The following SGMS1 variants were observed in gnomAD, a reference collection of about 807,000 sequenced individuals.
The protein encoded by SGMS1 is phosphatidylcholine:ceramide cholinephosphotransferase 1.
SGMS1 carries 13 observed loss-of-function variants against 46.2 expected under a neutral mutation model. The observed-to-expected ratio is 0.28, with a 90% confidence interval of 0.18 to 0.45. The LOEUF is 0.45. Among genes scored for constraint, SGMS1 ranks in the 20% least tolerant of loss-of-function variants. The probability of loss-of-function intolerance (pLI) is 1.00; values close to 1 mark genes in which losing one functional copy is unlikely to be tolerated. For synonymous variants in SGMS1, 203 were observed against 187.8 expected, an observed-to-expected ratio of 1.08 and a Z score of -0.66; for missense variants, 324 against 519.9, an observed-to-expected ratio of 0.62 and a Z score of 3.66.
chr10:50,615,721 C>G (rs1369928481), intron 1 of SGMS1, among the ~76,000 whole-genome samples: 2 of 152,230 alleles, frequency 1.3e-5, no homozygotes, highest in Non-Finnish European at 2.9e-5. Flanking sequence ...AGGCTCCCAA[C>G]AGAAATGATA....
chr10:50,596,358 A>G (rs1387668543), intron 1 of SGMS1, among the ~76,000 whole-genome samples: 1 of 152,164 alleles, frequency 6.6e-6, no homozygotes, highest in East Asian at 1.9e-4. Flanking sequence ...TTGTATTTTC[A>G]GTAGAGACAG....
chr10:50,486,917 A>G (rs1225720767), intron 3 of SGMS1, among the ~76,000 whole-genome samples: 1 of 152,252 alleles, frequency 6.6e-6, no homozygotes, highest in Non-Finnish European at 1.5e-5. Context: ...CTAAATGCCC[A>G]TCAATGATGA....
At chr10:50,424,684 A>T (rs754871612) in intron 6 of SGMS1, among the ~76,000 whole-genome samples, 2 of 152,224 alleles carry the variant, frequency 1.3e-5, no homozygotes, top group African/African-American at 4.8e-5. Flanking sequence ...ATCTATAGGG[A>T]ACTTAAACAT....
At position 50,312,484 on chromosome 10, in the gene SGMS1, T is replaced by C. The variant is rs116485003; in HGVS notation, c.742-1069A>G. ...CTCAGCATCATGGGATTTTAGAATC[T>C]GGGGACTAAGAAGAGACTCTAAAGC... On this transcript the variant is annotated intron_variant, in intron 8 of 10. Coordinates refer to ENST00000361781, the MANE Select transcript of SGMS1 (RefSeq NM_147156.4). Among the ~76,000 whole-genome samples the C allele has an allele frequency of 8.9e-3, 1,351 of 152,236 alleles. 15 individuals are homozygous for C. Among genetic ancestry groups the C allele is most frequent in the African/African-American group, 0.03 (1,267 of 41,544 alleles).
chr10:50,362,158 G>A (rs1007884937), intron 6 of SGMS1, among the ~76,000 whole-genome samples: 9 of 152,202 alleles, frequency 5.9e-5, no homozygotes, highest in South Asian at 4.2e-4. Flanking sequence ...CCAGTGATGC[G>A]TATCTCCTTT....
intron 2 of SGMS1, among the ~76,000 whole-genome samples, chr10:50,538,686 C>CA (rs1195344872): frequency 6.6e-6 from 1 of 152,150 alleles, no homozygotes; most frequent in East Asian, 1.9e-4. Context: ...CACCATTCCC[C>CA]ACTGACAACT....
At chr10:50,323,181 GTGAA>G (rs1847477136) in intron 8 of SGMS1, among the ~76,000 whole-genome samples, 1 of 152,194 alleles carries the variant, frequency 6.6e-6, no homozygotes, top group Non-Finnish European at 1.5e-5. Context: ...CTGCCATCGA[GTGAA>G]TGAACAATAA....
intron 6 of SGMS1, among the ~76,000 whole-genome samples, chr10:50,353,523 T>A (rs1378304613): frequency 6.6e-6 from 1 of 152,294 alleles, no homozygotes; most frequent in Non-Finnish European, 1.5e-5. Flanking sequence ...CTTTGAAAAC[T>A]GGCACAAGAC....
At position 50,600,019 on chromosome 10, in the gene SGMS1, G is replaced by A. The variant is rs973652728; in HGVS notation, c.-683-9772C>T. Among the ~76,000 whole-genome samples the A allele has an allele frequency of 5.9e-5, 9 of 152,112 alleles. No homozygotes were observed. In the South Asian group the frequency reaches 6.2e-4, roughly 10 times the overall value. ...CATCTCTATCCAGAGTGGGCCTCAG[G>A]ACACTATTTCACATGCTTCAAGCTA... On this transcript the variant is annotated intron_variant, in intron 1 of 10. Coordinates refer to ENST00000361781, the MANE Select transcript of SGMS1 (RefSeq NM_147156.4).
chr10:50,310,144 AC>A (rs1312242169), intron 9 of SGMS1, among the ~76,000 whole-genome samples: 3 of 152,210 alleles, frequency 2.0e-5, no homozygotes, highest in African/African-American at 7.2e-5. Context: ...TCTGGTTCCC[AC>A]TTACCTGTCC....
chr10:50,606,934 G>A (rs1838702896), intron 1 of SGMS1, among the ~76,000 whole-genome samples: 1 of 151,788 alleles, frequency 6.6e-6, no homozygotes, highest in Non-Finnish European at 1.5e-5. Flanking sequence ...GTTCAAAGAT[G>A]GAATGTCTGG....
At chr10:50,530,041 T>C (rs567286309) in intron 2 of SGMS1, among the ~76,000 whole-genome samples, 1 of 152,302 alleles carries the variant, frequency 6.6e-6, no homozygotes, top group South Asian at 2.1e-4. Context: ...TACTCCTAAA[T>C]AGCCACCGTC....
chr10:50,448,420 A>G (rs1837052816), intron 5 of SGMS1, among the ~76,000 whole-genome samples: 1 of 152,142 alleles, frequency 6.6e-6, no homozygotes, highest in Admixed American at 6.6e-5. Context: ...TCTATTGCAC[A>G]CTAGAGAATG....
chr10:50,322,281 G>A (rs1006081471), intron 8 of SGMS1, among the ~76,000 whole-genome samples: 5 of 152,104 alleles, frequency 3.3e-5, no homozygotes, highest in Non-Finnish European at 7.3e-5. Context: ...CACAAAACAC[G>A]CCCAAACATG....
intron 5 of SGMS1, among the ~76,000 whole-genome samples, chr10:50,445,820 G>A (rs1329897045): frequency 6.6e-6 from 1 of 152,190 alleles, no homozygotes; most frequent in African/African-American, 2.4e-5. Flanking sequence ...TGTGGGCTGG[G>A]TGGAACAGAG....
At chr10:50,560,342 TTAA>T (rs1280650671) in intron 2 of SGMS1, among the ~76,000 whole-genome samples, 25 of 137,926 alleles carry the variant, frequency 1.8e-4, no homozygotes, top group East Asian at 1.0e-3. Flanking sequence ...ATTAATATTA[TTAA>T]TAATATATAT....
At chr10:50,348,068 C>A (rs1404241641) in intron 6 of SGMS1, among the ~76,000 whole-genome samples, 1 of 152,076 alleles carries the variant, frequency 6.6e-6, no homozygotes, top group Non-Finnish European at 1.5e-5. Flanking sequence ...GTAATGTTCT[C>A]CTCCCTGTGT....
At chr10:50,573,889 T>C (rs1053628099) in intron 2 of SGMS1, among the ~76,000 whole-genome samples, 1 of 152,156 alleles carries the variant, frequency 6.6e-6, no homozygotes, top group African/African-American at 2.4e-5. Context: ...AGCCAATTGA[T>C]CTTCAAGAAA....
At chr10:50,618,476 G>A (rs1405236751) in intron 1 of SGMS1, among the ~76,000 whole-genome samples, 1 of 152,092 alleles carries the variant, frequency 6.6e-6, no homozygotes, top group African/African-American at 2.4e-5. Flanking sequence ...ATTAGGAAAA[G>A]CAAGTATGGC....
Sources: gnomAD v4.1 joint callset for allele counts (sites outside exome capture counted in the v4.1 genomes callset) on GRCh38, gnomAD v4.1.1 for gene constraint, MANE v1.5 for transcripts, NCBI Gene and HGNC (gene_info 2026-07-23, HGNC 2026-07-21) for gene names.